AOPEP: variants seen among roughly 807,000 people sequenced by gnomAD.
The protein encoded by AOPEP is aminopeptidase O.
AOPEP carries 77 observed loss-of-function variants against 98.1 expected under a neutral mutation model. That is an observed-to-expected ratio of 0.78 (90% CI 0.65 to 0.95). AOPEP has a LOEUF of 0.95. Ranked by LOEUF, AOPEP falls within the 40% of genes least tolerant of loss-of-function variation. The pLI is 0.00. For missense variants in AOPEP, 1,024 were observed against 1,024.7 expected, an observed-to-expected ratio of 1.00 and a Z score of 0.01; for synonymous variants, 346 against 365.3, an observed-to-expected ratio of 0.95 and a Z score of 0.60.
rs1491277744 is a variant in AOPEP at position 94,896,909 on chromosome 9, GGT to G, written c.1365-27076_1365-27075del. Among the ~76,000 whole-genome samples the G allele has an allele frequency of 2.5e-4, 19 of 75,040 alleles. 1 individual carries two copies. The highest frequency in any genetic ancestry group is 2.3e-3 in the Admixed American group (13 of 5,534). The allele number at this position is 75,040 out of a possible 152,430, so 49.2% of individuals were successfully genotyped here. A position where few individuals can be genotyped will look rare whatever the true frequency, so the allele number is the denominator to read the frequency against. Reference sequence around the variant, plus strand: ...TTTGACAAATGTCTCAACTTTTGTGGGTTTTTTTTTTTTTTTTTGGTTTTTGG... The same window carrying G: ...TTTGACAAATGTCTCAACTTTTGTGGTTTTTTTTTTTTTTTTGGTTTTTGG... On this transcript the variant is annotated intron_variant, in intron 5 of 16. Transcript: ENST00000375315.
At chr9:94,846,153 T>G (rs753453267) in intron 5 of AOPEP, among the ~76,000 whole-genome samples, 11 of 151,542 alleles carry the variant, frequency 7.3e-5, no homozygotes, top group Non-Finnish European at 1.5e-4. Context: ...CTGGAGTTCA[T>G]GAGGCAGCCC....
the AOPEP span, chr9:95,145,387 A>G: frequency 6.6e-6 from 1 of 152,218 alleles, no homozygotes; most frequent in Admixed American, 6.5e-5. Flanking sequence ...CAAAAGCTTA[A>G]CAAATGGTAA....
intron 6 of AOPEP, among the ~76,000 whole-genome samples, chr9:94,925,484 A>G (rs2054181209): frequency 6.6e-6 from 1 of 152,238 alleles, no homozygotes. Flanking sequence ...GCCCAGGCTG[A>G]TTACCCGGCT....
chr9:95,105,671 C>T, the AOPEP span, among the ~76,000 whole-genome samples: 1 of 152,228 alleles, frequency 6.6e-6, no homozygotes, highest in African/African-American at 2.4e-5. Context: ...CCTTGGGAAA[C>T]TCTAGCACTT....
chr9:95,112,822 G>A, the AOPEP span, among the ~76,000 whole-genome samples: 5 of 152,336 alleles, frequency 3.3e-5, no homozygotes, highest in East Asian at 9.6e-4. Flanking sequence ...TCCAAGGTCT[G>A]GATTGAAGTG....
At chr9:94,831,499 C>T (rs1855951783) in intron 5 of AOPEP, among the ~76,000 whole-genome samples, 1 of 152,088 alleles carries the variant, frequency 6.6e-6, no homozygotes, top group Admixed American at 6.5e-5. Flanking sequence ...ATGCTCCCAG[C>T]TTTCTTCCTT....
chr9:94,801,240 A>T (rs949667099), intron 5 of AOPEP, among the ~76,000 whole-genome samples: 1 of 152,224 alleles, frequency 6.6e-6, no homozygotes. Context: ...AAAGGCTCAC[A>T]TTGTTGCTGG....
chr9:94,956,024 T>C lies in AOPEP; in HGVS notation c.1872+9T>C. 3.3e-6 allele frequency: 5 copies of C among 1,531,506 alleles called. No individual in the cohort carries two copies. The African/African-American group carries it at 5.4e-5, about 17-fold the overall frequency. 94.9% of individuals were successfully genotyped at this position (1,531,506 alleles called of 1,614,324 possible). ...AGCTGATTCTTTCCCAGGTAACTTA[T>C]GGGTCCTCATGAGTCCATGATGTAT... On this transcript the variant is annotated intron_variant, in intron 9 of 16. Transcript: ENST00000375315.
At chr9:94,955,558 A>G (rs1007721016) in intron 8 of AOPEP, among the ~76,000 whole-genome samples, 2 of 152,174 alleles carry the variant, frequency 1.3e-5, no homozygotes, top group Admixed American at 1.3e-4. Flanking sequence ...TCAGGTTCCA[A>G]CTGAAAGACA....
chr9:95,049,486 A>G (rs2066149608), intron 13 of AOPEP, among the ~76,000 whole-genome samples: 1 of 152,232 alleles, frequency 6.6e-6, no homozygotes, highest in Admixed American at 6.5e-5. Context: ...GACGGAAAGT[A>G]TGGTTTTCTA....
At chr9:94,797,703 CTTT>C (rs1298082623) in intron 4 of AOPEP, among the ~76,000 whole-genome samples, 5 of 130,056 alleles carry the variant, frequency 3.8e-5, no homozygotes, top group East Asian at 2.1e-4. Context: ...TCTCTCATAC[CTTT>C]TTTTTTTTTT....
At chr9:95,008,009 T>C (rs2062170779) in intron 13 of AOPEP, among the ~76,000 whole-genome samples, 1 of 152,262 alleles carries the variant, frequency 6.6e-6, no homozygotes, top group Admixed American at 6.5e-5. Flanking sequence ...ATTTCTCTTT[T>C]TTCCTGCATC....
chr9:94,844,077 G>A (rs1369216398), intron 5 of AOPEP, among the ~76,000 whole-genome samples: 3 of 152,022 alleles, frequency 2.0e-5, no homozygotes, highest in African/African-American at 7.2e-5. Context: ...GTTTTTTTGA[G>A]GCAGAGTCTC....
chr9:95,108,203 G>T, the AOPEP span, among the ~76,000 whole-genome samples: 6 of 152,186 alleles, frequency 3.9e-5, no homozygotes, highest in Non-Finnish European at 7.3e-5. Flanking sequence ...AGTACACTGG[G>T]TGTGTTGTGT....
chr9:94,878,779 C>A (rs1357024632), intron 5 of AOPEP, among the ~76,000 whole-genome samples: 1 of 152,160 alleles, frequency 6.6e-6, no homozygotes. Context: ...TTTTAAGATA[C>A]CATTTGTTCT....
intron 14 of AOPEP, among the ~76,000 whole-genome samples, chr9:95,069,983 C>T (rs907470141): frequency 3.9e-5 from 6 of 152,224 alleles, no homozygotes; most frequent in South Asian, 2.1e-4. Flanking sequence ...TAAAAAATAA[C>T]ATTCAGATTG....
chr9:94,861,926 C>CA (rs2045067593), intron 5 of AOPEP, among the ~76,000 whole-genome samples: 2 of 152,168 alleles, frequency 1.3e-5, no homozygotes, highest in Non-Finnish European at 2.9e-5. Context: ...TTCTTGTCCT[C>CA]AGAGTTGTTT....
At chr9:95,026,287 T>C (rs1010239068) in intron 13 of AOPEP, among the ~76,000 whole-genome samples, 1 of 152,154 alleles carries the variant, frequency 6.6e-6, no homozygotes, top group African/African-American at 2.4e-5. Context: ...ATCACCACAA[T>C]CTAGTTTTAA....
chr9:94,749,832 A>G (rs1320767807), intron 1 of AOPEP, among the ~76,000 whole-genome samples: 1 of 152,144 alleles, frequency 6.6e-6, no homozygotes, highest in African/African-American at 2.4e-5. Context: ...TGTTAATTCT[A>G]ATATTTGGGT....
Sources: gnomAD v4.1 joint callset for allele counts (sites outside exome capture counted in the v4.1 genomes callset) on GRCh38, gnomAD v4.1.1 for gene constraint, MANE v1.5 for transcripts, NCBI Gene and HGNC (gene_info 2026-07-23, HGNC 2026-07-21) for gene names.